The following OR2F1 variants were observed in gnomAD, a reference collection of about 807,000 sequenced individuals.
OR2F1 encodes the protein olfactory receptor family 2 subfamily F member 1, also known as olfactory receptor 2F1.
For missense variants in OR2F1, 389 were observed against 378.2 expected (o/e 1.03, Z -0.24); for synonymous variants, 146 against 155.3 (o/e 0.94, Z 0.44).
At position 143,960,791 on chromosome 7, in the gene OR2F1, T is replaced by C. The variant is rs758636254; in HGVS notation, c.821T>C (p.Phe274Ser). Residue 274 changes from phenylalanine (F) to serine (S), a missense_variant, in exon 3 of 3, where the codon TTC (phenylalanine) becomes TCC (serine). Physicochemically the swap from Phe to Ser is radical, Grantham distance 155. Transcript: ENST00000641412. ...SSPSVLQEKL[F>S]SVFYAILTPM... ...CCCTCTGTCCTTCAGGAGAAGTTGT[T>C]CTCTGTCTTTTATGCCATTTTAACA... The C allele has an allele frequency of 6.2e-7, 1 of 1,614,196 alleles. No homozygotes were observed. The highest frequency in any genetic ancestry group is 1.1e-5 in the South Asian group (1 of 91,080).
chr7:143,958,891 C>A (rs2050303624), intron 1 of OR2F1, 62 bp from the exon 2 acceptor site: 1 of 151,922 alleles, frequency 6.6e-6, no homozygotes, highest in Non-Finnish European at 1.5e-5. Context: ...CATCTGCTTT[C>A]TCTTCCTCCC....
At chr7:143,956,808 G>A (rs1232260755) in intron 1 of OR2F1, among the ~76,000 whole-genome samples, 4 of 152,088 alleles carry the variant, frequency 2.6e-5, no homozygotes, top group Non-Finnish European at 4.4e-5. Context: ...AACTCTAGCA[G>A]ATGGGAATAA....
rs1227139451 is a variant in OR2F1 at position 143,963,579 on chromosome 7, A to C, written c.*2655A>C. ...AAAGTACCACAATAGGCCTTCTGTAAGCTGAGGAGCACAGAAGCCAGTTGG... is the reference window on the plus strand; with the variant it reads ...AAAGTACCACAATAGGCCTTCTGTACGCTGAGGAGCACAGAAGCCAGTTGG... On this transcript the variant is annotated 3_prime_UTR_variant, in exon 3 of 3. Transcript: ENST00000641412. 3 of 152,552 alleles carry C rather than the reference A, an allele frequency of 2.0e-5. No individual in the cohort carries two copies. Among genetic ancestry groups the C allele is most frequent in the African/African-American group, 4.8e-5 (2 of 41,460 alleles). 9.4% of individuals were successfully genotyped at this position (152,552 alleles called of 1,614,324 possible). A position where few individuals can be genotyped will look rare whatever the true frequency, so the allele number is the denominator to read the frequency against.
rs2050344538 is a variant in OR2F1 at position 143,963,373 on chromosome 7, C to T, written c.*2449C>T. 6.6e-6 allele frequency: 1 copy of T among 152,206 alleles called. No homozygotes were observed. Among genetic ancestry groups the T allele is most frequent in the Non-Finnish European group, 1.5e-5 (1 of 68,026 alleles). The allele number at this position is 152,206 out of a possible 1,614,324, so 9.4% of individuals were successfully genotyped here. A position where few individuals can be genotyped will look rare whatever the true frequency, so the allele number is the denominator to read the frequency against. The stretch of plus-strand genomic sequence containing the variant: ...TTGGGGTTCTTCCTGGAAGGGTTAT[C>T]CAAGTCTTGATATCTCAGGAAGCAG... On this transcript the variant is annotated 3_prime_UTR_variant, in exon 3 of 3. Coordinates refer to ENST00000641412, the MANE Select transcript of OR2F1 (RefSeq NM_012369.3).
chr7:143,955,761 A>T (rs1019685697), intron 1 of OR2F1, among the ~76,000 whole-genome samples: 2 of 152,194 alleles, frequency 1.3e-5, no homozygotes. Context: ...GTCAAAAGAA[A>T]GCTCAGAACA....
chr7:143,959,835 A>G, intron 2 of OR2F1, 113 bp from the exon 3 acceptor site: 1 of 665,096 alleles, frequency 1.5e-6, no homozygotes, highest in Non-Finnish European at 2.5e-6. Context: ...ATTTTGGCCA[A>G]TAAATGATCT....
At chr7:143,956,473 T>C (rs1238755170) in intron 1 of OR2F1, among the ~76,000 whole-genome samples, 1 of 152,140 alleles carries the variant, frequency 6.6e-6, no homozygotes. Context: ...CACAGCATAC[T>C]TGATGGGTTA....
At position 143,960,319 on chromosome 7, in the gene OR2F1, G is replaced by A. The variant is rs1586837870; in HGVS notation, c.349G>A (p.Val117Met). 1 of 1,614,112 alleles carries A rather than the reference G, an allele frequency of 6.2e-7. No individual in the cohort carries two copies. The highest frequency in any genetic ancestry group is 1.3e-5 in the African/African-American group (1 of 75,008). ...LGGIEFVLLA[V>M]MAYDRYVAVC... ...TGGGATTGAGTTTGTTCTCCTGGCG[G>A]TGATGGCCTATGACCGCTATGTGGC... The change falls in exon 3 of 3, where the codon GTG (valine) becomes ATG (methionine). Residue 117 changes from valine (V) to methionine (M), a missense_variant. Coordinates refer to ENST00000641412, the MANE Select transcript of OR2F1 (RefSeq NM_012369.3).
chr7:143,963,648 C>A lies in OR2F1; in HGVS notation c.*2724C>A. ...GTAGGGAAGCCAACAGTGCAGCCCT[C>A]AGTCTGTGGCCAAAGGCCCGAGAGC... On this transcript the variant is annotated 3_prime_UTR_variant, in exon 3 of 3. Coordinates refer to ENST00000641412, the MANE Select transcript of OR2F1 (RefSeq NM_012369.3). The A allele has an allele frequency of 1.3e-5, 2 of 153,140 alleles. No individual in the cohort carries two copies. Among genetic ancestry groups the A allele is most frequent in the South Asian group, 3.6e-4 (2 of 5,514 alleles). The allele number at this position is 153,140 out of a possible 1,614,324, so 9.5% of individuals were successfully genotyped here.
At position 143,964,195 on chromosome 7, in the gene OR2F1, C is replaced by T. The variant is rs2050352578; in HGVS notation, c.*3271C>T. ...TCCCAATAGAAGGCATGAACATTGT[C>T]TTGATACAGGAATACAAAATAAGAT... On this transcript the variant is annotated 3_prime_UTR_variant, in exon 3 of 3. Coordinates refer to ENST00000641412, the MANE Select transcript of OR2F1 (RefSeq NM_012369.3). 1 of 151,864 alleles carries T rather than the reference C, an allele frequency of 6.6e-6. No individual in the cohort carries two copies. The highest frequency in any genetic ancestry group is 2.4e-5 in the African/African-American group (1 of 41,336). The allele number at this position is 151,864 out of a possible 1,614,324, so 9.4% of individuals were successfully genotyped here. A position where few individuals can be genotyped will look rare whatever the true frequency, so the allele number is the denominator to read the frequency against.
rs2050345248 is a variant in OR2F1 at position 143,963,434 on chromosome 7, G to A, written c.*2510G>A. The A allele has an allele frequency of 6.6e-6, 1 of 152,168 alleles. No homozygotes were observed. The highest frequency in any genetic ancestry group is 1.5e-5 in the Non-Finnish European group (1 of 68,030). 9.4% of individuals were successfully genotyped at this position (152,168 alleles called of 1,614,324 possible). A position where few individuals can be genotyped will look rare whatever the true frequency, so the allele number is the denominator to read the frequency against. On this transcript the variant is annotated 3_prime_UTR_variant, in exon 3 of 3. Transcript: ENST00000641412. ...AGTGGGCATTAGGTATGTAGAAATA[G>A]ACTACTATAGTCTCATATTCTGTAT...
At position 143,962,430 on chromosome 7, in the gene OR2F1, A is replaced by G. The variant is rs1343175747; in HGVS notation, c.*1506A>G. ...CAATAGTCAATATGATACCATCATA[A>G]CAAGGATAATCTCACATAGTAGGGA... On this transcript the variant is annotated 3_prime_UTR_variant, in exon 3 of 3. Coordinates refer to ENST00000641412, the MANE Select transcript of OR2F1 (RefSeq NM_012369.3). 1 of 152,236 alleles carries G rather than the reference A, an allele frequency of 6.6e-6. No homozygotes were observed. Among genetic ancestry groups the G allele is most frequent in the Non-Finnish European group, 1.5e-5 (1 of 68,046 alleles). 9.4% of individuals were successfully genotyped at this position (152,236 alleles called of 1,614,324 possible).
intron 1 of OR2F1, among the ~76,000 whole-genome samples, chr7:143,958,231 T>A (rs574071772): frequency 1.3e-5 from 2 of 152,362 alleles, no homozygotes; most frequent in South Asian, 4.1e-4. Flanking sequence ...AAATCTGGAA[T>A]CTAGTCAACA....
Position 143,960,962 on chromosome 7 carries a change from G to A in OR2F1, c.*38G>A. The A allele has an allele frequency of 6.7e-7, 1 of 1,500,842 alleles. No individual in the cohort carries two copies. Among genetic ancestry groups the A allele is most frequent in the Non-Finnish European group, 9.1e-7 (1 of 1,098,950 alleles). 93.0% of individuals were successfully genotyped at this position (1,500,842 alleles called of 1,614,324 possible). On this transcript the variant is annotated 3_prime_UTR_variant, in exon 3 of 3. Transcript: ENST00000641412. ...ACTTAGAGAAAACAGCTTTGCCTCA[G>A]TGTTCTCCACCCAGCTGAGATCTGA...
Position 143,961,059 on chromosome 7 carries a change from A to T in OR2F1, c.*135A>T, listed in dbSNP as rs2050326697. Reference sequence around the variant, plus strand: ...GCATGTACTGTGGATGTTATGGAGGAGGGGGAGTGGTTCAATTGGATGGGG... The same window carrying T: ...GCATGTACTGTGGATGTTATGGAGGTGGGGGAGTGGTTCAATTGGATGGGG... On this transcript the variant is annotated 3_prime_UTR_variant, in exon 3 of 3. Transcript: ENST00000641412. 2 of 679,844 alleles carry T rather than the reference A, an allele frequency of 2.9e-6. No individual in the cohort carries two copies. Among genetic ancestry groups the T allele is most frequent in the South Asian group, 4.0e-5 (2 of 50,426 alleles). The allele number at this position is 679,844 out of a possible 1,614,324, so 42.1% of individuals were successfully genotyped here.
rs2050314895 is a variant in OR2F1, at chr7:143,960,181, G to A, written c.211G>A (p.Val71Ile). 6.2e-7 allele frequency: 1 copy of A among 1,614,012 alleles called. No homozygotes were observed. The highest frequency in any genetic ancestry group is 1.1e-5 in the South Asian group (1 of 91,080). Residue 71 changes from valine to isoleucine, a missense_variant, in exon 3 of 3, where the codon GTC becomes ATC. Physicochemically the swap from Val to Ile is conservative, Grantham distance 29. Coordinates refer to ENST00000641412, the MANE Select transcript of OR2F1 (RefSeq NM_012369.3). ...TCTCACCAACCTCTCCCTTGTCGAT[G>A]TCTCCTATGCCACAAGTGTAGTCCC... is the stretch of plus-strand genomic sequence containing the variant. ...FFLTNLSLVD[V>I]SYATSVVPQL...
intron 2 of OR2F1, among the ~76,000 whole-genome samples, 169 bp downstream of exon 2, chr7:143,959,277 T>C (rs1304247800): frequency 6.6e-6 from 1 of 152,186 alleles, no homozygotes; most frequent in Non-Finnish European, 1.5e-5. Flanking sequence ...ACTTTCCCCA[T>C]ATGTTATTGA....
intron 1 of OR2F1, among the ~76,000 whole-genome samples, chr7:143,957,535 G>A (rs983049259): frequency 4.6e-5 from 7 of 152,078 alleles, no homozygotes; most frequent in African/African-American, 1.4e-4. Context: ...GTGAAATGAA[G>A]GGGTATTTAG....
chr7:143,961,560 GTTGT>G lies in OR2F1; in HGVS notation c.*641_*644del, dbSNP rs941514487. On this transcript the variant is annotated 3_prime_UTR_variant, in exon 3 of 3. Transcript: ENST00000641412. ...CACCTCGATAGGGTGACAGTCAATGGTTGTTTGTACTGAAGACAATTATTGACCA... is the reference window on the plus strand; with the variant it reads ...CACCTCGATAGGGTGACAGTCAATGGTTGTACTGAAGACAATTATTGACCA... 1.1e-4 allele frequency: 17 copies of G among 152,664 alleles called. No individual in the cohort carries two copies. Among genetic ancestry groups the G allele is most frequent in the African/African-American group, 3.8e-4 (16 of 41,580 alleles). 9.5% of individuals were successfully genotyped at this position (152,664 alleles called of 1,614,324 possible). A position where few individuals can be genotyped will look rare whatever the true frequency, so the allele number is the denominator to read the frequency against.
Sources: allele counts gnomAD v4.1 joint callset (sites outside exome capture counted in the v4.1 genomes callset), GRCh38; gene constraint gnomAD v4.1.1; transcripts MANE v1.5; gene names NCBI Gene and HGNC (gene_info 2026-07-23, HGNC 2026-07-21).